The following SPAG16 variants were observed in gnomAD, a reference collection of about 807,000 sequenced individuals.
SPAG16 encodes the protein sperm-associated antigen 16 protein.
Under a neutral mutation model 80.4 loss-of-function variants are expected in SPAG16, and 86 were observed. The observed-to-expected ratio is 1.07, with a 90% CI of 0.90 to 1.28. The LOEUF (loss-of-function observed/expected upper bound fraction) is 1.28, where lower values mean the gene tolerates loss of function less well. Ranked by LOEUF, SPAG16 falls within the 50% of genes most tolerant of loss-of-function variation. The pLI, the probability that SPAG16 is intolerant of heterozygous loss-of-function variation, is 0.00. For missense variants in SPAG16, 870 were observed against 765.3 expected (o/e 1.14, Z -1.61); for synonymous variants, 294 against 265.9 (o/e 1.11, Z -1.03).
intron 13 of SPAG16, among the ~76,000 whole-genome samples, chr2:214,039,352 T>C (rs552694622): frequency 2.0e-4 from 30 of 152,336 alleles, no homozygotes; most frequent in African/African-American, 4.8e-4. Flanking sequence ...TTTTGAGAAG[T>C]GTCTGTTCAC....
At chr2:213,858,353 G>C (rs1008704724) in intron 10 of SPAG16, among the ~76,000 whole-genome samples, 1 of 152,158 alleles carries the variant, frequency 6.6e-6, no homozygotes, top group Admixed American at 6.6e-5. Context: ...CCACAACTCT[G>C]ATTGGTCAGC....
At chr2:214,128,251 A>T (rs2125485386) in intron 14 of SPAG16, among the ~76,000 whole-genome samples, 1 of 151,980 alleles carries the variant, frequency 6.6e-6, no homozygotes, top group East Asian at 1.9e-4. Flanking sequence ...ATCTGTGTGT[A>T]TGTGAATTGC....
intron 15 of SPAG16, among the ~76,000 whole-genome samples, chr2:214,206,594 G>A (rs758776002): frequency 2.4e-4 from 37 of 152,058 alleles, no homozygotes; most frequent in East Asian, 9.6e-4. Flanking sequence ...GAGTACAGTC[G>A]TCTCTTCAAT....
intron 15 of SPAG16, among the ~76,000 whole-genome samples, chr2:214,172,394 T>G (rs1001043123): frequency 2.0e-5 from 3 of 152,046 alleles, no homozygotes; most frequent in Admixed American, 2.0e-4. Context: ...TGATTTCCAA[T>G]TTCATCCATG....
At chr2:214,278,187 G>A (rs1210220096) in intron 15 of SPAG16, among the ~76,000 whole-genome samples, 1 of 152,100 alleles carries the variant, frequency 6.6e-6, no homozygotes. Context: ...CAGTATTTAG[G>A]CGGGAGTGCC....
At chr2:213,352,220 C>T (rs1428881020) in intron 7 of SPAG16, among the ~76,000 whole-genome samples, 2 of 151,444 alleles carry the variant, frequency 1.3e-5, no homozygotes, top group Non-Finnish European at 2.9e-5. Context: ...TACCCAGTCT[C>T]GGGTATTTCC....
At chr2:213,358,402 T>C (rs1173937385) in intron 7 of SPAG16, among the ~76,000 whole-genome samples, 2 of 152,180 alleles carry the variant, frequency 1.3e-5, no homozygotes, top group Non-Finnish European at 2.9e-5. Context: ...ACCAATCAAA[T>C]GTAGATTTGG....
At chr2:213,386,641 T>A (rs2067445085) in intron 9 of SPAG16, among the ~76,000 whole-genome samples, 1 of 152,200 alleles carries the variant, frequency 6.6e-6, no homozygotes, top group South Asian at 2.1e-4. Context: ...TTATATATCT[T>A]TTATAACATT....
At chr2:214,223,228 G>C (rs577795239) in intron 15 of SPAG16, among the ~76,000 whole-genome samples, 1 of 152,028 alleles carries the variant, frequency 6.6e-6, no homozygotes, top group Non-Finnish European at 1.5e-5. Context: ...TCTTGAGAAA[G>C]GGTTGAAGCA....
chr2:213,766,734 G>A (rs2068956690), intron 10 of SPAG16, among the ~76,000 whole-genome samples: 1 of 152,126 alleles, frequency 6.6e-6, no homozygotes, highest in Non-Finnish European at 1.5e-5. Context: ...GAGTCAGAGT[G>A]GTGAAAAGTG....
intron 13 of SPAG16, among the ~76,000 whole-genome samples, chr2:214,021,002 A>G (rs1022948259): frequency 6.6e-6 from 1 of 152,140 alleles, no homozygotes; most frequent in Non-Finnish European, 1.5e-5. Context: ...TGTCACCTTT[A>G]TTTTGATAGG....
chr2:214,079,048 G>A (rs928985536), intron 13 of SPAG16, among the ~76,000 whole-genome samples: 2 of 152,072 alleles, frequency 1.3e-5, no homozygotes, highest in African/African-American at 4.8e-5. Context: ...GGTCTTTCAT[G>A]GCACCTCAGA....
intron 13 of SPAG16, among the ~76,000 whole-genome samples, chr2:214,030,203 C>T (rs2372218): frequency 6.6e-6 from 1 of 151,944 alleles, no homozygotes; most frequent in African/African-American, 2.4e-5. Flanking sequence ...TTTTAGATAC[C>T]TCATCTAAGT....
In SPAG16 at chr2:214,082,055, T is replaced by C. The variant is rs73987151; in HGVS notation, c.1528-26141T>C. Among the ~76,000 whole-genome samples, 771 of 152,284 alleles carry C rather than the reference T, an allele frequency of 5.1e-3. 8 individuals are homozygous for C. The highest frequency in any genetic ancestry group is 0.017 in the African/African-American group (719 of 41,566). On this transcript the variant is annotated intron_variant, in intron 13 of 15. Coordinates refer to ENST00000331683, the MANE Select transcript of SPAG16 (RefSeq NM_024532.5). ...GTCGGCCTGTGGCTTTGATATCCTC[T>C]TCTTATGTCTTTTTGGCACTAAACC... is the stretch of plus-strand genomic sequence containing the variant.
intron 9 of SPAG16, among the ~76,000 whole-genome samples, chr2:213,415,496 A>G (rs957212127): frequency 1.3e-5 from 2 of 152,220 alleles, no homozygotes; most frequent in African/African-American, 2.4e-5. Flanking sequence ...GCAGCAATCT[A>G]TCTGGGTGAG....
At chr2:213,704,550 T>C (rs755738088) in intron 10 of SPAG16, among the ~76,000 whole-genome samples, 1 of 152,190 alleles carries the variant, frequency 6.6e-6, no homozygotes, top group Non-Finnish European at 1.5e-5. Flanking sequence ...TTACCATTTG[T>C]TGGAGTAGGC....
At chr2:213,635,040 CTT>C (rs112845992) in intron 10 of SPAG16, among the ~76,000 whole-genome samples, 10 of 142,416 alleles carry the variant, frequency 7.0e-5, no homozygotes, top group Non-Finnish European at 7.7e-5. Flanking sequence ...CTTTTTCTTT[CTT>C]TTTTTTTTTT....
chr2:213,662,687 T>C (rs1436618312), intron 10 of SPAG16, among the ~76,000 whole-genome samples: 1 of 152,090 alleles, frequency 6.6e-6, no homozygotes. Flanking sequence ...TCAGTAATAA[T>C]TTTTTCTCTT....
chr2:214,113,448 C>T (rs1389253085), intron 14 of SPAG16, among the ~76,000 whole-genome samples: 1 of 152,226 alleles, frequency 6.6e-6, no homozygotes, highest in Non-Finnish European at 1.5e-5. Context: ...CCGTCACTTT[C>T]AGATACACCA....
Sources: allele counts gnomAD v4.1 joint callset (sites outside exome capture counted in the v4.1 genomes callset), GRCh38; gene constraint gnomAD v4.1.1; transcripts MANE v1.5; gene names NCBI Gene and HGNC (gene_info 2026-07-23, HGNC 2026-07-21).